The following ABCD2 variants were observed in gnomAD, a reference collection of about 807,000 sequenced individuals.
ABCD2 encodes the protein ATP-binding cassette sub-family D member 2.
A neutral mutation model predicts 70.9 loss-of-function variants in ABCD2; 36 were observed. The observed-to-expected ratio is 0.51, with a 90% CI of 0.39 to 0.67. ABCD2 has a LOEUF of 0.67. ABCD2 is among the 30% of genes least tolerant of loss of function. The probability of loss-of-function intolerance (pLI) is 0.00; values close to 1 mark genes in which losing one functional copy is unlikely to be tolerated. For missense variants in ABCD2, 729 were observed against 890.2 expected (o/e 0.82, Z 2.30); for synonymous variants, 304 against 306.9 (o/e 0.99, Z 0.10).
At chr12:39,554,339 A>AT (rs911483005) in intron 9 of ABCD2, among the ~76,000 whole-genome samples, 2 of 151,936 alleles carry the variant, frequency 1.3e-5, no homozygotes, top group African/African-American at 2.4e-5. Context: ...AAATATTATT[A>AT]TTTTTTTCAT....
intron 8 of ABCD2, among the ~76,000 whole-genome samples, chr12:39,578,390 C>T (rs1305466695): frequency 1.3e-5 from 2 of 149,822 alleles, no homozygotes; most frequent in South Asian, 2.1e-4. Context: ...AGGAGAATGA[C>T]GTGAACCCGG....
chr12:39,615,047 A>C (rs1592000683), intron 2 of ABCD2, among the ~76,000 whole-genome samples: 2 of 148,354 alleles, frequency 1.3e-5, no homozygotes, highest in Middle Eastern at 3.6e-3. Context: ...TATTTTCAGG[A>C]TTTGTGGGAT....
the ABCD2 span, among the ~76,000 whole-genome samples, chr12:39,536,396 G>T: frequency 6.6e-6 from 1 of 152,306 alleles, no homozygotes; most frequent in South Asian, 2.1e-4. Context: ...GCAGCCAGAA[G>T]CTCCCAAATA....
chr12:39,581,901 C>T (rs1200410213), intron 7 of ABCD2, among the ~76,000 whole-genome samples: 1 of 152,122 alleles, frequency 6.6e-6, no homozygotes, highest in Admixed American at 6.5e-5. Context: ...TTTCCTGCTT[C>T]CTAGAGATGT....
In ABCD2 at chr12:39,604,795, C is replaced by T; in HGVS notation, c.1372G>A (p.Glu458Lys). 6.2e-7 allele frequency: 1 copy of T among 1,607,008 alleles called. No individual in the cohort carries two copies. Residue 458 changes from glutamate to lysine, a missense_variant, in exon 4 of 10, where the codon GAA becomes AAA. By Grantham distance (56) the Glu-to-Lys change is moderately conservative. This residue lies in a region of ABCD2 where 195 missense variants were observed against 300.2 expected (regional missense o/e 0.65). Coordinates refer to ENST00000308666, the MANE Select transcript of ABCD2 (RefSeq NM_005164.4). ...GCCAATGTGTCACTGAGAGGTAATT[C>T]TACCTTAGCTCCATTCTTGCTATGG... ...ESHSKNGAKV[E>K]LPLSDTLAIK...
At chr12:39,579,389 G>A in intron 8 of ABCD2, 146 bp downstream of exon 8, 2 of 590,838 alleles carry the variant, frequency 3.4e-6, no homozygotes, top group South Asian at 2.6e-5. Context: ...AAAACCAACT[G>A]TGAACTCTAT....
At chr12:39,555,289 A>G (rs1941145769) in intron 9 of ABCD2, among the ~76,000 whole-genome samples, 1 of 152,160 alleles carries the variant, frequency 6.6e-6, no homozygotes, top group South Asian at 2.1e-4. Flanking sequence ...GAATTATAGA[A>G]TATGTGGCCT....
chr12:39,619,361 G>A lies in ABCD2; in HGVS notation c.255C>T (p.Phe85=), dbSNP rs1247006401. The change falls in exon 1 of 10, where the codon TTC becomes TTT. Residue 85 remains phenylalanine, a synonymous_variant. Coordinates refer to ENST00000308666, the MANE Select transcript of ABCD2 (RefSeq NM_005164.4). ...KPSPGVNADF[F]KQLLELRKIL... ...TTTTCCGAAGTTCTAGTAGCTGTTTGAAGAAATCTGCATTCACTCCAGGCG... is the reference window on the plus strand; with the variant it reads ...TTTTCCGAAGTTCTAGTAGCTGTTTAAAGAAATCTGCATTCACTCCAGGCG... 2.5e-6 allele frequency: 4 copies of A among 1,614,052 alleles called. No homozygotes were observed. The highest frequency in any genetic ancestry group is 1.1e-5 in the South Asian group (1 of 91,060).
intron 6 of ABCD2, among the ~76,000 whole-genome samples, 153 bp downstream of exon 6, chr12:39,600,418 T>A (rs1023537591): frequency 1.3e-5 from 2 of 152,132 alleles, no homozygotes; most frequent in African/African-American, 4.8e-5. Flanking sequence ...AAAGCAGTAA[T>A]AAAATATTTT....
chr12:39,599,266 G>T (rs1376504730), intron 6 of ABCD2, among the ~76,000 whole-genome samples: 1 of 152,134 alleles, frequency 6.6e-6, no homozygotes, highest in African/African-American at 2.4e-5. Context: ...AATATAAAAT[G>T]TATTTATGTG....
intron 3 of ABCD2, among the ~76,000 whole-genome samples, 163 bp downstream of exon 3, chr12:39,607,436 G>A (rs1157045314): frequency 1.3e-5 from 2 of 152,174 alleles, no homozygotes; most frequent in African/African-American, 4.8e-5. Context: ...GATATTAGCA[G>A]CATTACACTT....
At chr12:39,568,408 T>C (rs1591972997) in intron 9 of ABCD2, among the ~76,000 whole-genome samples, 1 of 152,356 alleles carries the variant, frequency 6.6e-6, no homozygotes. Flanking sequence ...TTTCTTCCAG[T>C]TGATTGAATC....
chr12:39,586,112 A>G (rs747034242), intron 7 of ABCD2, 40 bp downstream of exon 7: 1 of 1,555,690 alleles, frequency 6.4e-7, no homozygotes, highest in South Asian at 1.2e-5. Flanking sequence ...ACTTTTTAAA[A>G]GTGAAGTTAA....
intron 9 of ABCD2, among the ~76,000 whole-genome samples, chr12:39,565,236 C>T (rs372426083): frequency 6.6e-5 from 10 of 152,116 alleles, no homozygotes; most frequent in Admixed American, 2.0e-4. Context: ...GCCATTTTCA[C>T]GATATTGATT....
chr12:39,615,966 T>C (rs1304788976), intron 2 of ABCD2, among the ~76,000 whole-genome samples: 7 of 152,130 alleles, frequency 4.6e-5, no homozygotes, highest in African/African-American at 1.7e-4. Context: ...TTCATAAACA[T>C]TATTCAGTTA....
At chr12:39,536,334 G>T in the ABCD2 span, among the ~76,000 whole-genome samples, 105 of 152,306 alleles carry the variant, frequency 6.9e-4, no homozygotes, top group African/African-American at 1.9e-3. Flanking sequence ...CAGAAACTCT[G>T]GTGGCACTGA....
intron 6 of ABCD2, among the ~76,000 whole-genome samples, chr12:39,593,683 C>T (rs762319175): frequency 2.6e-5 from 4 of 152,082 alleles, no homozygotes; most frequent in African/African-American, 7.2e-5. Flanking sequence ...AATAAAACAC[C>T]GTCTTCACTG....
rs115567348 is a variant in ABCD2, at chr12:39,618,234, C to A, written c.939+443G>T. Among the ~76,000 whole-genome samples the A allele has an allele frequency of 3.2e-3, 489 of 152,146 alleles. 6 individuals are homozygous for A. Among genetic ancestry groups the A allele is most frequent in the African/African-American group, 0.012 (478 of 41,516 alleles). Reference sequence around the variant, plus strand: ...CTATAAGAAACCCTGGCTCTTCCCCCCTCTTGGACAACAAAGGAACAACAA... The same window carrying A: ...CTATAAGAAACCCTGGCTCTTCCCCACTCTTGGACAACAAAGGAACAACAA... On this transcript the variant is annotated intron_variant, in intron 1 of 9. Transcript: ENST00000308666.
chr12:39,602,805 T>C (rs1941919112), intron 5 of ABCD2, among the ~76,000 whole-genome samples: 1 of 152,166 alleles, frequency 6.6e-6, no homozygotes, highest in Non-Finnish European at 1.5e-5. Context: ...ATGTACACTA[T>C]TTATTAAATA....
Sources: allele counts gnomAD v4.1 joint callset (sites outside exome capture counted in the v4.1 genomes callset), GRCh38; gene constraint gnomAD v4.1.1; regional missense constraint gnomAD v4.1.1; transcripts MANE v1.5; gene names NCBI Gene and HGNC (gene_info 2026-07-23, HGNC 2026-07-21).